Variants in ANO2 observed in about 807,000 individuals in gnomAD.
The protein encoded by ANO2 is anoctamin 2.
In ANO2, 101 loss-of-function variants were observed where a neutral mutation model predicts 124.2. That is an observed-to-expected ratio of 0.81 (90% CI 0.69 to 0.96). The LOEUF (loss-of-function observed/expected upper bound fraction) is 0.96. Among genes scored for constraint, ANO2 ranks in the 40% least tolerant of loss-of-function variants. The probability of loss-of-function intolerance (pLI) is 0.00; values close to 1 mark genes in which losing one functional copy is unlikely to be tolerated. For missense variants in ANO2, 1,293 were observed against 1,274.5 expected (o/e 1.01, Z -0.22); for synonymous variants, 486 against 482.5 (o/e 1.01, Z -0.09).
intron 4 of ANO2, among the ~76,000 whole-genome samples, chr12:5,845,916 G>C (rs1197107189): frequency 6.6e-6 from 1 of 152,122 alleles, no homozygotes; most frequent in Non-Finnish European, 1.5e-5. Context: ...CTAGCACATG[G>C]GATGCAGTAT....
At chr12:5,813,051 A>C (rs1216986248) in intron 7 of ANO2, among the ~76,000 whole-genome samples, 4 of 132,488 alleles carry the variant, frequency 3.0e-5, no homozygotes, top group African/African-American at 1.0e-4. Flanking sequence ...CAAAGAAAGA[A>C]AGAGGAAGGA....
intron 3 of ANO2, among the ~76,000 whole-genome samples, chr12:5,866,758 A>G (rs1300414376): frequency 1.3e-5 from 2 of 152,214 alleles, no homozygotes; most frequent in Admixed American, 6.5e-5. Flanking sequence ...GCCCACTACA[A>G]TGCTGCTGCC....
intron 1 of ANO2, among the ~76,000 whole-genome samples, chr12:5,939,629 T>C (rs1250249061): frequency 6.6e-6 from 1 of 152,258 alleles, no homozygotes. Flanking sequence ...AGTAATTTAT[T>C]ATTATCCACA....
At chr12:5,565,233 C>G (rs1941678845) in intron 24 of ANO2, among the ~76,000 whole-genome samples, 1 of 152,152 alleles carries the variant, frequency 6.6e-6, no homozygotes, top group Admixed American at 6.5e-5. Context: ...CAGGCTGGGA[C>G]TCTGGTTTCA....
chr12:5,623,132 AG>A (rs1945210894), intron 16 of ANO2, among the ~76,000 whole-genome samples: 1 of 152,082 alleles, frequency 6.6e-6, no homozygotes. Context: ...AGACTTCTGG[AG>A]GGGTCTGAAT....
At chr12:5,839,475 A>G in intron 4 of ANO2, 1 of 422,736 alleles carries the variant, frequency 2.4e-6, no homozygotes, top group South Asian at 1.7e-5. Context: ...AGACTCACCT[A>G]ACAAATTATA....
At chr12:5,640,702 A>C (rs384367) in intron 15 of ANO2, among the ~76,000 whole-genome samples, 1 of 152,204 alleles carries the variant, frequency 6.6e-6, no homozygotes, top group Admixed American at 6.5e-5. Context: ...TTAGAATGGC[A>C]ATCATTAAAA....
intron 10 of ANO2, among the ~76,000 whole-genome samples, chr12:5,776,578 A>G (rs756542354): frequency 2.0e-5 from 3 of 152,218 alleles, no homozygotes; most frequent in Non-Finnish European, 4.4e-5. Context: ...GCTGATGTGC[A>G]TGAGAGACAT....
chr12:5,942,069 TTCCTAAGAA>T (rs1483348092), intron 1 of ANO2, among the ~76,000 whole-genome samples: 2 of 129,078 alleles, frequency 1.5e-5, no homozygotes, highest in African/African-American at 2.5e-5. Flanking sequence ...TTAAGAATTC[TTCCTAAGAA>T]CTTCCTGATG....
chr12:5,901,016 G>A (rs1040856739), intron 3 of ANO2, among the ~76,000 whole-genome samples: 12 of 152,126 alleles, frequency 7.9e-5, no homozygotes, highest in African/African-American at 2.7e-4. Context: ...CTCTCAGCAG[G>A]GTCACTGATT....
chr12:5,611,264 T>C (rs773924039), intron 19 of ANO2, among the ~76,000 whole-genome samples: 17 of 152,122 alleles, frequency 1.1e-4, no homozygotes, highest in Non-Finnish European at 1.6e-4. Flanking sequence ...CCACCACACC[T>C]GGCCAGAAAC....
intron 3 of ANO2, among the ~76,000 whole-genome samples, chr12:5,889,003 G>A (rs1256256084): frequency 6.6e-6 from 1 of 152,250 alleles, no homozygotes; most frequent in Non-Finnish European, 1.5e-5. Flanking sequence ...GGGAGGCTCA[G>A]GCATGGCAGG....
rs770341033 is a variant in ANO2, at chr12:5,830,404, CT to C, written c.840+30del. 8 of 1,606,760 alleles carry C rather than the reference CT, an allele frequency of 5.0e-6. No homozygotes were observed. In the East Asian group the frequency reaches 1.8e-4, roughly 36 times the overall value. ...AGGAACTCAGCCCTTTCCCCATCCT[CT>C]TTCCTAACACAGTACATCCATTTAC... On this transcript the variant is annotated intron_variant, in intron 6 of 24. Coordinates refer to ENST00000682330, the MANE Select transcript of ANO2 (RefSeq NM_001364791.2).
At chr12:5,619,823 C>T (rs187454503) in intron 16 of ANO2, among the ~76,000 whole-genome samples, 256 of 152,310 alleles carry the variant, frequency 1.7e-3, no homozygotes, top group Middle Eastern at 0.01. Flanking sequence ...AACATTTAGA[C>T]GTGCTGAAAC....
At chr12:5,882,033 T>C (rs2137298630) in intron 3 of ANO2, among the ~76,000 whole-genome samples, 1 of 152,268 alleles carries the variant, frequency 6.6e-6, no homozygotes, top group East Asian at 1.9e-4. Context: ...AGAATTCAAA[T>C]GTAAATAACT....
At chr12:5,771,256 A>T (rs896562328) in intron 10 of ANO2, among the ~76,000 whole-genome samples, 3 of 152,228 alleles carry the variant, frequency 2.0e-5, no homozygotes, top group African/African-American at 4.8e-5. Context: ...TGTTCTGTGC[A>T]TGAGGCAAGC....
rs1002849462 is a variant in ANO2 at position 5,925,677 on chromosome 12, G to A, written c.23-2873C>T. On this transcript the variant is annotated intron_variant, in intron 1 of 24. Coordinates refer to ENST00000682330, the MANE Select transcript of ANO2 (RefSeq NM_001364791.2). This position sits in a 1 kb window ranked among gnomAD's most constrained non-coding sequence, Gnocchi z 4.6. The stretch of plus-strand genomic sequence containing the variant: ...GAAAGGCCATCGTACACAGCCCGTG[G>A]AACATGTCACCCATTTGGAAAGAAT... Among the ~76,000 whole-genome samples the A allele has an allele frequency of 6.6e-6, 1 of 152,234 alleles. No homozygotes were observed. Among genetic ancestry groups the A allele is most frequent in the Admixed American group, 6.5e-5 (1 of 15,286 alleles).
At chr12:5,663,229 G>C (rs537725531) in intron 14 of ANO2, among the ~76,000 whole-genome samples, 1 of 152,356 alleles carries the variant, frequency 6.6e-6, no homozygotes, top group African/African-American at 2.4e-5. Flanking sequence ...GCAGAAGCAA[G>C]TCTGTGTCCT....
At chr12:5,707,266 T>C (rs1949648690) in intron 14 of ANO2, among the ~76,000 whole-genome samples, 4 of 152,314 alleles carry the variant, frequency 2.6e-5, no homozygotes, top group East Asian at 1.9e-4. Flanking sequence ...TCTGCCATGA[T>C]TGTAAGTTTC....
Sources: gnomAD v4.1 joint callset for allele counts (sites outside exome capture counted in the v4.1 genomes callset) on GRCh38, gnomAD v4.1.1 for gene constraint, Gnocchi (gnomAD v3.1) non-coding constraint, MANE v1.5 for transcripts, NCBI Gene and HGNC (gene_info 2026-07-23, HGNC 2026-07-21) for gene names.